Variants in SLC2A9 observed in about 807,000 individuals in gnomAD.
SLC2A9 encodes the protein solute carrier family 2 member 9.
SLC2A9 carries 39 observed loss-of-function variants against 50.6 expected under a neutral mutation model. That is an observed-to-expected ratio of 0.77 (90% CI 0.60 to 1.01). The LOEUF (loss-of-function observed/expected upper bound fraction) is 1.01, where lower values mean the gene tolerates loss of function less well. Ranked by LOEUF, SLC2A9 falls within the 50% of genes least tolerant of loss-of-function variation. The pLI, the probability that SLC2A9 is intolerant of heterozygous loss-of-function variation, is 0.00. For missense variants in SLC2A9, 686 were observed against 677.6 expected, an observed-to-expected ratio of 1.01 and a Z score of -0.14; for synonymous variants, 324 against 276.9, an observed-to-expected ratio of 1.17 and a Z score of -1.69.
At chr4:9,877,131 T>G (rs1734431073) in intron 10 of SLC2A9, among the ~76,000 whole-genome samples, 1 of 152,210 alleles carries the variant, frequency 6.6e-6, no homozygotes, top group African/African-American at 2.4e-5. Flanking sequence ...AAAGGAGACA[T>G]CTGATTCGAC....
At chr4:10,029,266 T>C (rs1763853129) in intron 1 of SLC2A9, 1 of 152,232 alleles carries the variant, frequency 6.6e-6, no homozygotes, top group Admixed American at 6.5e-5. Flanking sequence ...TCTCATTTAA[T>C]GGATCTGAGA....
intron 5 of SLC2A9, among the ~76,000 whole-genome samples, chr4:9,965,810 G>T (rs1007555500): frequency 6.6e-6 from 1 of 151,946 alleles, no homozygotes; most frequent in Non-Finnish European, 1.5e-5. Flanking sequence ...TGAAAGTTTC[G>T]ATGACATAAG....
intron 8 of SLC2A9, among the ~76,000 whole-genome samples, chr4:9,905,591 T>C (rs1740515286): frequency 1.3e-5 from 2 of 152,216 alleles, no homozygotes; most frequent in African/African-American, 4.8e-5. Context: ...TTCCAAGGAA[T>C]ACTTTGCCCA....
intron 3 of SLC2A9, among the ~76,000 whole-genome samples, chr4:9,789,036 T>A (rs1358703869): frequency 6.6e-6 from 1 of 152,200 alleles, no homozygotes; most frequent in Admixed American, 6.5e-5. Context: ...CATGCACACA[T>A]ATTCATATGT....
In SLC2A9 at chr4:9,908,226, T is replaced by G. The variant is rs2280204; in HGVS notation, c.1113+9A>C. The G allele has an allele frequency of 0.16, 260,945 of 1,595,028 alleles. 23,591 individuals are homozygous for G. The highest frequency in any genetic ancestry group is 0.35 in the African/African-American group (26,228 of 74,570). On this transcript the variant is annotated intron_variant, in intron 8 of 11. Transcript: ENST00000264784. The stretch of plus-strand genomic sequence containing the variant: ...TGGCATTCTCAGGAGTAACCCTCAG[T>G]TGACTTACAGAGAAGACGGCAGCCA...
At position 10,038,891 on chromosome 4, in the gene SLC2A9, G is replaced by A. The variant is rs182982866; in HGVS notation, c.-41+1239C>T. ...ACAGAGATGGCAGCACACTAGAGCAGGATCAACATTTTTCTTAAAGGGCTA... is the reference window on the plus strand; with the variant it reads ...ACAGAGATGGCAGCACACTAGAGCAAGATCAACATTTTTCTTAAAGGGCTA... On this transcript the variant is annotated intron_variant, in intron 1 of 12. Coordinates refer to the SLC2A9 transcript ENST00000309065. 1.7e-3 allele frequency among the ~76,000 whole-genome samples: 256 copies of A among 152,262 alleles called. 1 individual carries two copies. The highest frequency in any genetic ancestry group is 5.7e-3 in the African/African-American group (237 of 41,560).
At chr4:9,786,461 T>C (rs1206506814) in intron 3 of SLC2A9, among the ~76,000 whole-genome samples, 3 of 152,212 alleles carry the variant, frequency 2.0e-5, no homozygotes, top group Admixed American at 6.5e-5. Context: ...TGTTCATTTA[T>C]TACTGAAATA....
intron 10 of SLC2A9, among the ~76,000 whole-genome samples, chr4:9,881,745 G>C (rs1169128595): frequency 6.6e-6 from 1 of 152,222 alleles, no homozygotes; most frequent in Non-Finnish European, 1.5e-5. Context: ...ATCAAGCCAT[G>C]GCTGAAGGAA....
intron 6 of SLC2A9, chr4:9,922,715 G>A (rs1264126162): frequency 2.0e-5 from 3 of 152,252 alleles, no homozygotes; most frequent in Admixed American, 6.5e-5. Flanking sequence ...CAGGGGCACT[G>A]TGGCCTGATA....
At chr4:9,884,475 T>G (rs1735812255) in intron 10 of SLC2A9, among the ~76,000 whole-genome samples, 2 of 152,030 alleles carry the variant, frequency 1.3e-5, no homozygotes, top group African/African-American at 2.4e-5. Flanking sequence ...AAGTTGGGCT[T>G]GAAGATACAA....
At chr4:10,036,918 G>A (rs35249656) in intron 1 of SLC2A9, among the ~76,000 whole-genome samples, 19,826 of 152,152 alleles carry the variant, frequency 0.13, 2,223 homozygotes, top group East Asian at 0.46. Context: ...GTGGCCCACC[G>A]CTCCTCCTTG....
chr4:9,862,383 C>T (rs1025409547), intron 10 of SLC2A9, among the ~76,000 whole-genome samples: 7 of 152,018 alleles, frequency 4.6e-5, no homozygotes, highest in Admixed American at 4.6e-4. Flanking sequence ...TGTTCTTTCT[C>T]GAAGCTGGAA....
chr4:9,783,054 A>T (rs1007928569), intron 3 of SLC2A9: 2 of 1,614,098 alleles, frequency 1.2e-6, no homozygotes, highest in Non-Finnish European at 1.7e-6. Flanking sequence ...ACCACCTTCG[A>T]CGTCTTCGTC....
chr4:9,783,360 C>A (rs1190073141), intron 3 of SLC2A9: 1 of 1,614,114 alleles, frequency 6.2e-7, no homozygotes, highest in Non-Finnish European at 8.5e-7. Flanking sequence ...TATCAGACGT[C>A]CCCAGATGGT....
chr4:9,877,955 C>G (rs1403085200), intron 10 of SLC2A9, among the ~76,000 whole-genome samples: 1 of 152,088 alleles, frequency 6.6e-6, no homozygotes, highest in African/African-American at 2.4e-5. Context: ...TCCTCGGGGT[C>G]AGCCGGGGCC....
At chr4:9,944,050 G>A (rs1748670189) in intron 5 of SLC2A9, among the ~76,000 whole-genome samples, 2 of 152,234 alleles carry the variant, frequency 1.3e-5, no homozygotes, top group South Asian at 4.1e-4. Flanking sequence ...GCACTTCCCA[G>A]GGGTGGTGTT....
At chr4:9,959,372 C>T (rs570846208) in intron 5 of SLC2A9, among the ~76,000 whole-genome samples, 3 of 142,574 alleles carry the variant, frequency 2.1e-5, no homozygotes, top group East Asian at 4.0e-4. Context: ...ACTCTAGCCT[C>T]GGAGATACAC....
chr4:9,774,766 C>T (rs770991965), intron 1 of SLC2A9, among the ~76,000 whole-genome samples: 31 of 151,852 alleles, frequency 2.0e-4, no homozygotes, highest in Non-Finnish European at 3.7e-4. Context: ...TCCTTCCCTC[C>T]GTTCTTCTTT....
intron 8 of SLC2A9, among the ~76,000 whole-genome samples, chr4:9,903,744 T>G (rs954733865): frequency 6.6e-6 from 1 of 151,002 alleles, no homozygotes; most frequent in African/African-American, 2.4e-5. Flanking sequence ...AGACATATAT[T>G]TGTGTGTTTA....
Sources: gnomAD v4.1 joint callset for allele counts (sites outside exome capture counted in the v4.1 genomes callset) on GRCh38, gnomAD v4.1.1 for gene constraint, MANE v1.5 for transcripts, NCBI Gene and HGNC (gene_info 2026-07-23, HGNC 2026-07-21) for gene names.